HDAC4: variants seen among roughly 807,000 people sequenced by gnomAD.
The protein encoded by HDAC4 is histone deacetylase A.
In HDAC4, 16 loss-of-function variants were observed where a neutral mutation model predicts 135.1. The observed-to-expected ratio is 0.12, with a 90% CI of 0.08 to 0.18. HDAC4 has a LOEUF of 0.18. Among genes scored for constraint, HDAC4 ranks in the 10% least tolerant of loss-of-function variants. The pLI is 1.00. For missense variants in HDAC4, 1,143 were observed against 1,511.8 expected (o/e 0.76, Z 4.05); for synonymous variants, 685 against 653.4 (o/e 1.05, Z -0.74).
chr2:239,234,790 G>A (rs897321452), intron 3 of HDAC4, among the ~76,000 whole-genome samples: 5 of 152,142 alleles, frequency 3.3e-5, no homozygotes, highest in Non-Finnish European at 7.4e-5. Context: ...CGACAGGCAG[G>A]GTGCGCTTCC....
rs894030321 is a variant in HDAC4, at chr2:239,325,940, T to G, written c.22+26738A>C. 4.6e-5 allele frequency among the ~76,000 whole-genome samples: 7 copies of G among 152,138 alleles called. 1 individual carries two copies. Among genetic ancestry groups the G allele is most frequent in the South Asian group, 4.2e-4 (2 of 4,808 alleles). Reference sequence around the variant, plus strand: ...GAGATTGTACCACTGTACTCCAGGCTGGGCAACAGAGTGGGATGAAAAAAA... The same window carrying G: ...GAGATTGTACCACTGTACTCCAGGCGGGGCAACAGAGTGGGATGAAAAAAA... On this transcript the variant is annotated intron_variant, in intron 2 of 26. Coordinates refer to ENST00000543185, the MANE Select transcript of HDAC4 (RefSeq NM_001378414.1).
At chr2:239,312,320 G>T (rs1464461040) in intron 2 of HDAC4, among the ~76,000 whole-genome samples, 1 of 152,204 alleles carries the variant, frequency 6.6e-6, no homozygotes, top group Non-Finnish European at 1.5e-5. Context: ...TGACAGGGAA[G>T]ATGAGAAGGA....
chr2:239,267,667 CTG>C (rs2049821708), intron 2 of HDAC4, among the ~76,000 whole-genome samples: 1 of 152,272 alleles, frequency 6.6e-6, no homozygotes, highest in Admixed American at 6.5e-5. Context: ...CAGAAGAGGC[CTG>C]TGCCAGGGGC....
chr2:239,087,364 G>A (rs564759073), intron 19 of HDAC4, among the ~76,000 whole-genome samples, 195 bp downstream of exon 19: 7 of 152,258 alleles, frequency 4.6e-5, no homozygotes, highest in South Asian at 4.2e-4. Flanking sequence ...CGTCATAACC[G>A]AGCAGTGATG....
rs2052392771 is a variant in HDAC4, at chr2:239,303,516, C to CA, written c.22+49161_22+49162insT. On this transcript the variant is annotated intron_variant, in intron 2 of 26. Coordinates refer to ENST00000543185, the MANE Select transcript of HDAC4 (RefSeq NM_001378414.1). This position sits in a 1 kb window ranked among gnomAD's most constrained non-coding sequence, Gnocchi z 5.1. ...TTCCTCGATCTCCCCGCTCCTTTCT[C>CA]GGGACAGCCTGTGGCTTGTTCTCCC... 6.6e-6 allele frequency among the ~76,000 whole-genome samples: 1 copy of CA among 152,188 alleles called. No individual in the cohort carries two copies. The highest frequency in any genetic ancestry group is 1.5e-5 in the Non-Finnish European group (1 of 68,024).
At chr2:239,202,651 CG>C (rs2045827321) in intron 3 of HDAC4, among the ~76,000 whole-genome samples, 1 of 152,034 alleles carries the variant, frequency 6.6e-6, no homozygotes, top group African/African-American at 2.4e-5. Context: ...ACCCTCCACG[CG>C]GGAGGGGCGG....
At chr2:239,234,533 C>A (rs1042449283) in intron 3 of HDAC4, among the ~76,000 whole-genome samples, 1 of 152,156 alleles carries the variant, frequency 6.6e-6, no homozygotes, top group Non-Finnish European at 1.5e-5. Flanking sequence ...TACTAGTCAA[C>A]GGGACACTGA....
chr2:239,106,160 G>C (rs1332264378), intron 15 of HDAC4, among the ~76,000 whole-genome samples: 2 of 152,238 alleles, frequency 1.3e-5, no homozygotes, highest in African/African-American at 4.8e-5. Flanking sequence ...ATGGTGCTGA[G>C]GACAGGCAGA....
At chr2:239,281,806 T>G (rs1317760061) in intron 2 of HDAC4, among the ~76,000 whole-genome samples, 3 of 142,676 alleles carry the variant, frequency 2.1e-5, no homozygotes, top group Admixed American at 7.0e-5. Flanking sequence ...CACTCTACAA[T>G]GTACACACCA....
At position 239,115,039 on chromosome 2, in the gene HDAC4, C is replaced by A; in HGVS notation, c.1791+14G>T. Reference sequence around the variant, plus strand: ...GCGTGCCAGCCTTCTGGTGCCCTCCCCGCCTGCGGTCACCTGTCTGAAGAG... The same window carrying A: ...GCGTGCCAGCCTTCTGGTGCCCTCCACGCCTGCGGTCACCTGTCTGAAGAG... On this transcript the variant is annotated intron_variant, in intron 13 of 26. Coordinates refer to ENST00000543185, the MANE Select transcript of HDAC4 (RefSeq NM_001378414.1). This position sits in a 1 kb window ranked among gnomAD's most constrained non-coding sequence, Gnocchi z 6.3. 1.2e-6 allele frequency: 2 copies of A among 1,608,268 alleles called. No individual in the cohort carries two copies. The highest frequency in any genetic ancestry group is 2.2e-5 in the South Asian group (2 of 91,074).
chr2:239,053,661 G>T, intron 25 of HDAC4, 60 bp from the exon 26 acceptor site: 2 of 1,493,558 alleles, frequency 1.3e-6, no homozygotes, highest in Non-Finnish European at 1.9e-6. Flanking sequence ...ATGCACTGAG[G>T]CCCGGGAAGG....
rs2052742491 is a variant in HDAC4, at chr2:239,308,954, T to C, written c.22+43724A>G. The C allele has an allele frequency of 6.6e-6, 1 of 152,178 alleles. No homozygotes were observed. 9.4% of individuals were successfully genotyped at this position (152,178 alleles called of 1,614,324 possible). A position where few individuals can be genotyped will look rare whatever the true frequency, so the allele number is the denominator to read the frequency against. On this transcript the variant is annotated intron_variant, in intron 2 of 26. Coordinates refer to ENST00000543185, the MANE Select transcript of HDAC4 (RefSeq NM_001378414.1). This position sits in a 1 kb window ranked among gnomAD's most constrained non-coding sequence, Gnocchi z 4.2. Reference sequence around the variant, plus strand: ...CTCCCAGCTCCCCCAGAGGCTGAGTTCAAACATTCTAAACGGATTCTTGAT... The same window carrying C: ...CTCCCAGCTCCCCCAGAGGCTGAGTCCAAACATTCTAAACGGATTCTTGAT...
At position 239,141,166 on chromosome 2, in the gene HDAC4, G is replaced by C. The variant is rs1198848029; in HGVS notation, c.866-1370C>G. On this transcript the variant is annotated intron_variant, in intron 8 of 26. Transcript: ENST00000543185. This position sits in a 1 kb window ranked among gnomAD's most constrained non-coding sequence, Gnocchi z 4.9. ...AACTGTCATGGGCGTCTGCATACCA[G>C]AGTTAACCCAGCTGGGTGGTGAAGG... 6.6e-6 allele frequency among the ~76,000 whole-genome samples: 1 copy of C among 152,154 alleles called. No homozygotes were observed. The highest frequency in any genetic ancestry group is 1.5e-5 in the Non-Finnish European group (1 of 68,034).
At chr2:239,112,752 C>T (rs112339155) in intron 13 of HDAC4, among the ~76,000 whole-genome samples, 2 of 152,238 alleles carry the variant, frequency 1.3e-5, no homozygotes, top group Non-Finnish European at 2.9e-5. Context: ...CAAAGAAAGC[C>T]GGGCGCCTCC....
At chr2:239,192,196 G>T (rs1358002759) in intron 3 of HDAC4, among the ~76,000 whole-genome samples, 1 of 123,556 alleles carries the variant, frequency 8.1e-6, no homozygotes. Flanking sequence ...GGTGAGGACT[G>T]TTCCATGTGC....
chr2:239,284,750 ACT>A lies in HDAC4; in HGVS notation c.23-48088_23-48087del, dbSNP rs1255968588. On this transcript the variant is annotated intron_variant, in intron 2 of 26. Coordinates refer to ENST00000543185, the MANE Select transcript of HDAC4 (RefSeq NM_001378414.1). ...ACGCCCCAGAGCCAGAGGCCCTTCC[ACT>A]CTCCAGTGTCCTGGAGACCAGTGTC... Among the ~76,000 whole-genome samples, 13 of 152,078 alleles carry A rather than the reference ACT, an allele frequency of 8.5e-5. No individual in the cohort carries two copies. The South Asian group carries it at 2.7e-3, about 32-fold the overall frequency.
chr2:239,183,699 G>A (rs923327683), intron 4 of HDAC4, among the ~76,000 whole-genome samples: 1 of 152,178 alleles, frequency 6.6e-6, no homozygotes, highest in Admixed American at 6.5e-5. Context: ...AACCAAGAGT[G>A]TGCTCCTGCC....
At chr2:239,316,090 C>CT (rs2053102252) in intron 2 of HDAC4, among the ~76,000 whole-genome samples, 1 of 152,166 alleles carries the variant, frequency 6.6e-6, no homozygotes, top group Non-Finnish European at 1.5e-5. Flanking sequence ...GACAGAAAAA[C>CT]GGCCCTTACA....
At chr2:239,227,056 A>AT (rs1440956641) in intron 3 of HDAC4, among the ~76,000 whole-genome samples, 2 of 152,256 alleles carry the variant, frequency 1.3e-5, no homozygotes, top group Non-Finnish European at 2.9e-5. Context: ...ATCTGGGTGA[A>AT]TAAGGTATCA....
Sources: allele counts gnomAD v4.1 joint callset (sites outside exome capture counted in the v4.1 genomes callset), GRCh38; gene constraint gnomAD v4.1.1; non-coding constraint Gnocchi (gnomAD v3.1); transcripts MANE v1.5; gene names NCBI Gene and HGNC (gene_info 2026-07-23, HGNC 2026-07-21).